RSRC1: variants seen among roughly 807,000 people sequenced by gnomAD.
The protein encoded by RSRC1 is arginine and serine rich coiled-coil 1, also known as serine/Arginine-related protein 53.
In RSRC1, 39 loss-of-function variants were observed where a neutral mutation model predicts 49.1. The observed-to-expected ratio is 0.79, with a 90% CI of 0.61 to 1.04. RSRC1 has a LOEUF of 1.04. RSRC1 is among the 50% of genes least tolerant of loss of function. RSRC1 has a pLI of 0.00. For missense variants in RSRC1, 388 were observed against 402.4 expected (o/e 0.96, Z 0.31); for synonymous variants, 143 against 130.8 (o/e 1.09, Z -0.63).
At chr3:158,510,952 T>C (rs1424646373) in intron 7 of RSRC1, among the ~76,000 whole-genome samples, 3 of 152,190 alleles carry the variant, frequency 2.0e-5, no homozygotes, top group Non-Finnish European at 4.4e-5. Flanking sequence ...TTACATTGAC[T>C]CCATAGATTT....
chr3:158,298,238 C>G (rs973334384), intron 5 of RSRC1, among the ~76,000 whole-genome samples, 163 bp downstream of exon 5: 1 of 151,886 alleles, frequency 6.6e-6, no homozygotes, highest in Non-Finnish European at 1.5e-5. Context: ...TTTCATTTCT[C>G]TTATCATTTC....
intron 4 of RSRC1, chr3:158,275,929 TG>T (rs1488433194): frequency 2.8e-6 from 2 of 717,312 alleles, no homozygotes; most frequent in African/African-American, 3.5e-5. Context: ...GGCCTGCAGA[TG>T]TGAGCCCACA....
chr3:158,280,810 C>G (rs1226853491), intron 4 of RSRC1, among the ~76,000 whole-genome samples: 4 of 151,920 alleles, frequency 2.6e-5, no homozygotes, highest in Non-Finnish European at 5.9e-5. Flanking sequence ...CCACGCCCTG[C>G]CAATTTTTTG....
intron 3 of RSRC1, among the ~76,000 whole-genome samples, chr3:158,176,227 C>G (rs1022972856): frequency 2.6e-5 from 4 of 152,066 alleles, no homozygotes; most frequent in Middle Eastern, 3.2e-3. Context: ...CCATACTGCC[C>G]AAGGTAATTT....
intron 6 of RSRC1, among the ~76,000 whole-genome samples, chr3:158,452,208 A>G (rs1737082785): frequency 6.6e-6 from 1 of 152,170 alleles, no homozygotes. Context: ...GGCTCTGTGT[A>G]TTGGTCATTC....
intron 3 of RSRC1, among the ~76,000 whole-genome samples, chr3:158,176,570 T>G (rs1211559324): frequency 6.6e-6 from 1 of 152,156 alleles, no homozygotes; most frequent in Non-Finnish European, 1.5e-5. Context: ...TAATAAATGG[T>G]GCTGGGAAAA....
At chr3:158,174,176 C>T (rs1009240825) in intron 3 of RSRC1, among the ~76,000 whole-genome samples, 3 of 151,632 alleles carry the variant, frequency 2.0e-5, no homozygotes. Flanking sequence ...GGGGTTGTAG[C>T]CACTCGAAGC....
intron 4 of RSRC1, among the ~76,000 whole-genome samples, chr3:158,229,990 A>G (rs1578220812): frequency 6.6e-6 from 1 of 152,064 alleles, no homozygotes; most frequent in East Asian, 1.9e-4. Flanking sequence ...TCATATTCCT[A>G]TTGATGCATC....
intron 4 of RSRC1, among the ~76,000 whole-genome samples, chr3:158,223,577 G>C (rs1722344769): frequency 7.1e-6 from 1 of 141,816 alleles, no homozygotes; most frequent in South Asian, 2.3e-4. Flanking sequence ...CTGATCTATA[G>C]TTTAGCTTCC....
At chr3:158,516,428 C>A (rs1160677582) in intron 7 of RSRC1, among the ~76,000 whole-genome samples, 1 of 152,022 alleles carries the variant, frequency 6.6e-6, no homozygotes, top group Non-Finnish European at 1.5e-5. Flanking sequence ...GGGTCAGGGA[C>A]CCACTTGAGG....
At chr3:158,430,072 C>CAAAAAAA (rs145414836) in intron 6 of RSRC1, among the ~76,000 whole-genome samples, 2 of 129,784 alleles carry the variant, frequency 1.5e-5, no homozygotes, top group African/African-American at 5.8e-5. Flanking sequence ...ACCACACACA[C>CAAAAAAA]AAAAAAAATA....
chr3:158,204,913 G>A (rs1721264316), intron 4 of RSRC1, among the ~76,000 whole-genome samples: 1 of 151,966 alleles, frequency 6.6e-6, no homozygotes, highest in Admixed American at 6.6e-5. Context: ...ATATGAGAGA[G>A]TGAATAAAAC....
chr3:158,496,789 C>A, intron 7 of RSRC1: 2 of 242,178 alleles, frequency 8.3e-6, no homozygotes, highest in South Asian at 1.2e-4. Flanking sequence ...GGTTGATGAC[C>A]GTAAGAAACT....
At chr3:158,377,737 G>C (rs1732452929) in intron 6 of RSRC1, among the ~76,000 whole-genome samples, 1 of 150,906 alleles carries the variant, frequency 6.6e-6, no homozygotes, top group African/African-American at 2.4e-5. Context: ...TTGGCTCACT[G>C]CAACCTCCGC....
chr3:158,260,897 T>G (rs75301948), intron 4 of RSRC1, among the ~76,000 whole-genome samples: 3,995 of 152,242 alleles, frequency 0.026, 158 homozygotes, highest in African/African-American at 0.092. Flanking sequence ...CTCCCCCAAG[T>G]GCACAGATTC....
intron 4 of RSRC1, among the ~76,000 whole-genome samples, chr3:158,282,334 T>C (rs1726231358): frequency 6.6e-6 from 1 of 152,186 alleles, no homozygotes; most frequent in South Asian, 2.1e-4. Context: ...AATTTGTAAC[T>C]TTTGTGTGGC....
At chr3:158,233,831 G>C (rs1410695482) in intron 4 of RSRC1, among the ~76,000 whole-genome samples, 1 of 152,102 alleles carries the variant, frequency 6.6e-6, no homozygotes, top group African/African-American at 2.4e-5. Context: ...GTTACCTCAT[G>C]CTCTGGGCTA....
chr3:158,180,891 G>A (rs903990400), intron 3 of RSRC1, among the ~76,000 whole-genome samples: 1 of 138,184 alleles, frequency 7.2e-6, no homozygotes, highest in Non-Finnish European at 1.5e-5. Context: ...TGCAACCTCC[G>A]CCTCCCAGGT....
intron 4 of RSRC1, among the ~76,000 whole-genome samples, chr3:158,280,316 T>C (rs994969816): frequency 6.6e-6 from 1 of 152,196 alleles, no homozygotes; most frequent in African/African-American, 2.4e-5. Context: ...TTCTGTCTTA[T>C]AGGTCCCTGT....
Sources: gnomAD v4.1 joint callset for allele counts (sites outside exome capture counted in the v4.1 genomes callset) on GRCh38, gnomAD v4.1.1 for gene constraint, MANE v1.5 for transcripts, NCBI Gene and HGNC (gene_info 2026-07-23, HGNC 2026-07-21) for gene names.